The following MRPL10 variants were observed in gnomAD, a reference collection of about 807,000 sequenced individuals.
The protein encoded by MRPL10 is large ribosomal subunit protein uL10m.
Under a neutral mutation model 19.8 loss-of-function variants are expected in MRPL10, and 14 were observed. That is an observed-to-expected ratio of 0.71 (90% CI 0.47 to 1.11). The LOEUF (loss-of-function observed/expected upper bound fraction) is 1.11. Ranked by LOEUF, MRPL10 falls within the 50% of genes least tolerant of loss-of-function variation. MRPL10 has a pLI of 0.00. For synonymous variants in MRPL10, 129 were observed against 139.2 expected (o/e 0.93, Z 0.52); for missense variants, 318 against 339.6 (o/e 0.94, Z 0.50).
intron 1 of MRPL10, among the ~76,000 whole-genome samples, chr17:47,830,157 A>G (rs780302917): frequency 3.9e-5 from 6 of 152,218 alleles, no homozygotes; most frequent in Non-Finnish European, 7.3e-5. Context: ...TATGATTTGA[A>G]GAGGAGAAAA....
At chr17:47,826,893 C>G (rs2033542605) in intron 3 of MRPL10, 112 bp from the exon 4 acceptor site, 1 of 1,506,530 alleles carries the variant, frequency 6.6e-7, no homozygotes, top group Non-Finnish European at 9.1e-7. Flanking sequence ...TTCTCAGCCC[C>G]TAATCATAGG....
intron 2 of MRPL10, among the ~76,000 whole-genome samples, chr17:47,827,491 A>T (rs1370255316): frequency 1.3e-5 from 2 of 152,206 alleles, no homozygotes; most frequent in African/African-American, 4.8e-5. Flanking sequence ...CCTAGTCAAC[A>T]GTGCTTGACA....
chr17:47,824,197 C>G lies in MRPL10; in HGVS notation c.*8G>C, dbSNP rs1555633376. 3 of 1,614,022 alleles carry G rather than the reference C, an allele frequency of 1.9e-6. No homozygotes were observed. Among genetic ancestry groups the G allele is most frequent in the African/African-American group, 2.7e-5 (2 of 74,936 alleles). ...GTATTTATGCGCAGGGCTGGCTAAA[C>G]AGGCTGGCTACGAGTCCGGAACAGT... is the stretch of plus-strand genomic sequence containing the variant. On this transcript the variant is annotated 3_prime_UTR_variant, in exon 5 of 5. Transcript: ENST00000351111.
chr17:47,828,760 G>T, intron 1 of MRPL10, 90 bp from the exon 2 acceptor site: 1 of 1,044,784 alleles, frequency 9.6e-7, no homozygotes, highest in Non-Finnish European at 1.3e-6. Flanking sequence ...CTCTAGCAGA[G>T]AAAAGCACAG....
rs763464558 is a variant in MRPL10 at position 47,828,642 on chromosome 17, G to A, written c.81C>T (p.Arg27=). 6.6e-7 allele frequency: 1 copy of A among 1,525,802 alleles called. No individual in the cohort carries two copies. The highest frequency in any genetic ancestry group is 8.7e-7 in the Non-Finnish European group (1 of 1,146,688). The allele number at this position is 1,525,802 out of a possible 1,614,324, so 94.5% of individuals were successfully genotyped here. A position where few individuals can be genotyped will look rare whatever the true frequency, so the allele number is the denominator to read the frequency against. Residue 27 remains arginine, a synonymous_variant, in exon 2 of 5, where the codon CGC becomes CGT. Coordinates refer to ENST00000351111, the MANE Select transcript of MRPL10 (RefSeq NM_145255.4). The stretch of plus-strand genomic sequence containing the variant: ...GGCGGGTAACAGCCTTGGAGCCATA[G>A]CGGACAGTCTGGAGGGTAGGCAGCC... ...AGRLPTLQTV[R]YGSKAVTRHR...
chr17:47,824,227 G>A lies in MRPL10; in HGVS notation c.764C>T (p.Pro255Leu), dbSNP rs767630900. The A allele has an allele frequency of 1.9e-5, 31 of 1,614,096 alleles. No homozygotes were observed. Among genetic ancestry groups the A allele is most frequent in the African/African-American group, 2.7e-5 (2 of 74,928 alleles). ...SVMSANGKPD[P>L]DTVPDS is the part of the protein sequence containing the mutation. The stretch of plus-strand genomic sequence containing the variant: ...TGGCTACGAGTCCGGAACAGTGTCA[G>A]GATCTGGCTTCCCATTGGCCGACAT... Residue 255 changes from proline (P) to leucine (L), a missense_variant, in exon 5 of 5, where the codon CCT becomes CTT. Coordinates refer to ENST00000351111, the MANE Select transcript of MRPL10 (RefSeq NM_145255.4).
At chr17:47,825,622 A>C (rs2033519761) in intron 4 of MRPL10, among the ~76,000 whole-genome samples, 1 of 151,926 alleles carries the variant, frequency 6.6e-6, no homozygotes, top group Non-Finnish European at 1.5e-5. Flanking sequence ...TGAGACCCTG[A>C]ATCATGGAAT....
intron 2 of MRPL10, 39 bp from the exon 3 acceptor site, chr17:47,827,243 C>G: frequency 6.4e-7 from 1 of 1,561,208 alleles, no homozygotes; most frequent in Non-Finnish European, 8.7e-7. Context: ...ACATCAGCTG[C>G]CACTTCTCCT....
At chr17:47,830,509 A>AT (rs112972415) in intron 1 of MRPL10, among the ~76,000 whole-genome samples, 2,830 of 146,720 alleles carry the variant, frequency 0.019, 34 homozygotes, top group African/African-American at 0.027. Flanking sequence ...ATTAAACTGG[A>AT]TTTTTTTTTT....
At chr17:47,824,533 A>G (rs1214986815) in intron 4 of MRPL10, 75 bp from the exon 5 acceptor site, 4 of 1,484,742 alleles carry the variant, frequency 2.7e-6, no homozygotes, top group Non-Finnish European at 8.9e-7. Context: ...TGACCCTAGT[A>G]ACTTGCTCTC....
chr17:47,825,377 C>T (rs186248664), intron 4 of MRPL10, among the ~76,000 whole-genome samples: 3 of 152,138 alleles, frequency 2.0e-5, no homozygotes, highest in Admixed American at 2.0e-4. Context: ...GCCTGTAATC[C>T]CAACACTTCA....
At chr17:47,826,110 G>A (rs1052633695) in intron 4 of MRPL10, among the ~76,000 whole-genome samples, 8 of 133,620 alleles carry the variant, frequency 6.0e-5, no homozygotes, top group South Asian at 2.3e-4. Context: ...CTGTGCCACC[G>A]CACTCCAGCC....
rs761082174 is a variant in MRPL10 at position 47,831,488 on chromosome 17, C to G, written c.24G>C (p.Met8Ile). ...CCTGGGGCAGGAGACCCCCTCGCAG[C>G]ATCCCCGCCACGGCCGCAGCCATCT... MAAAVAGMLRGGLLPQAG... is the reference protein window; with the variant it reads MAAAVAGILRGGLLPQAG... Residue 8 changes from methionine to isoleucine, a missense_variant, in exon 1 of 5, where the codon ATG becomes ATC. Coordinates refer to ENST00000351111, the MANE Select transcript of MRPL10 (RefSeq NM_145255.4). 15 of 1,548,906 alleles carry G rather than the reference C, an allele frequency of 9.7e-6. No individual in the cohort carries two copies. The highest frequency in any genetic ancestry group is 2.0e-5 in the Admixed American group (1 of 50,906).
At chr17:47,825,390 A>G (rs1348610790) in intron 4 of MRPL10, among the ~76,000 whole-genome samples, 3 of 152,242 alleles carry the variant, frequency 2.0e-5, no homozygotes, top group Admixed American at 2.0e-4. Flanking sequence ...ACACTTCAGG[A>G]GGCCAAGGTG....
Position 47,831,513 on chromosome 17 carries a change from T to C in MRPL10, c.-2A>G, listed in dbSNP as rs1195565394. ...CATCCCCGCCACGGCCGCAGCCATC[T>C]CCACCGGAAGAATGGACGGAAGCCG... On this transcript the variant is annotated 5_prime_UTR_variant, in exon 1 of 5. Transcript: ENST00000351111. The C allele has an allele frequency of 6.5e-7, 1 of 1,549,974 alleles. No individual in the cohort carries two copies. The highest frequency in any genetic ancestry group is 1.4e-5 in the African/African-American group (1 of 73,104).
intron 4 of MRPL10, among the ~76,000 whole-genome samples, chr17:47,825,645 C>T (rs965339760): frequency 2.0e-4 from 31 of 151,832 alleles, no homozygotes; most frequent in Admixed American, 5.3e-4. Context: ...AGGGAAGTAA[C>T]GGGGAACTAT....
chr17:47,827,630 C>T (rs1005146384), intron 2 of MRPL10, among the ~76,000 whole-genome samples: 4 of 152,160 alleles, frequency 2.6e-5, no homozygotes, highest in African/African-American at 9.7e-5. Context: ...GGCGCGGTGG[C>T]TCATGCCTAT....
chr17:47,827,000 G>C (rs1299718525), intron 3 of MRPL10, 40 bp downstream of exon 3: 3 of 1,575,996 alleles, frequency 1.9e-6, no homozygotes, highest in East Asian at 4.5e-5. Context: ...TGGGGGTGGG[G>C]GGAAGATGGG....
chr17:47,831,209 C>T (rs1567951930), intron 1 of MRPL10: 1 of 939,310 alleles, frequency 1.1e-6, no homozygotes, highest in East Asian at 2.9e-5. Context: ...TTTAGACTGA[C>T]ACATTAAGAT....
Sources: allele counts gnomAD v4.1 joint callset (sites outside exome capture counted in the v4.1 genomes callset), GRCh38; gene constraint gnomAD v4.1.1; transcripts MANE v1.5; gene names NCBI Gene and HGNC (gene_info 2026-07-23, HGNC 2026-07-21).